Variants in MOB3B observed in about 807,000 individuals in gnomAD.
The protein encoded by MOB3B is MOB kinase activator-like 2B.
A neutral mutation model predicts 18.7 loss-of-function variants in MOB3B; 7 were observed. That is an observed-to-expected ratio of 0.37 (90% CI 0.21 to 0.70). The LOEUF is 0.70. Ranked by LOEUF, MOB3B falls within the 30% of genes least tolerant of loss-of-function variation. The pLI is 0.52. For synonymous variants in MOB3B, 111 were observed against 99.9 expected (o/e 1.11, Z -0.66); for missense variants, 253 against 281.3 (o/e 0.90, Z 0.72).
At position 27,377,410 on chromosome 9, in the gene MOB3B, C is replaced by T. The variant is rs893433878; in HGVS notation, c.419-18174G>A. Among the ~76,000 whole-genome samples, 8 of 152,262 alleles carry T rather than the reference C, an allele frequency of 5.3e-5. No homozygotes were observed. In the South Asian group the frequency reaches 1.5e-3, roughly 28 times the overall value. On this transcript the variant is annotated intron_variant, in intron 2 of 3. Transcript: ENST00000262244. The stretch of plus-strand genomic sequence containing the variant: ...ACACTACGGAAGTGCTGAAAATACA[C>T]GGCTAGAGAGCCGGGCTTGGTCATC...
At chr9:27,517,498 A>T (rs112547072) in intron 1 of MOB3B, among the ~76,000 whole-genome samples, 3 of 151,664 alleles carry the variant, frequency 2.0e-5, no homozygotes, top group Admixed American at 1.3e-4. Flanking sequence ...AAATACAAAA[A>T]TTAGCCGGGC....
intron 1 of MOB3B, among the ~76,000 whole-genome samples, chr9:27,504,933 C>A (rs1160674312): frequency 6.6e-6 from 1 of 152,034 alleles, no homozygotes; most frequent in Non-Finnish European, 1.5e-5. Flanking sequence ...TGACTTGTGG[C>A]CCCACATCAC....
chr9:27,522,626 T>C (rs1461300944), intron 1 of MOB3B, among the ~76,000 whole-genome samples: 4 of 151,858 alleles, frequency 2.6e-5, no homozygotes, highest in African/African-American at 7.2e-5. Context: ...TGCTGAACAT[T>C]AAAATTGTTT....
Position 27,524,590 on chromosome 9 carries a change from AG to A in MOB3B, c.-199+4964del. 3 of 1,614,172 alleles carry A rather than the reference AG, an allele frequency of 1.9e-6. 1 individual carries two copies. The South Asian group carries it at 3.3e-5, about 18-fold the overall frequency. On this transcript the variant is annotated intron_variant, in intron 1 of 3. Transcript: ENST00000262244. ...CAACCTATGAAGAGGGACATCAAGA[AG>A]GCCTTCTATGAAATGTCCCTACAGG...
chr9:27,456,664 C>T (rs769983895), intron 1 of MOB3B, among the ~76,000 whole-genome samples: 1 of 152,100 alleles, frequency 6.6e-6, no homozygotes, highest in Non-Finnish European at 1.5e-5. Flanking sequence ...TCCAATGTGC[C>T]GTCCTTTATA....
At position 27,404,610 on chromosome 9, in the gene MOB3B, G is replaced by T. The variant is rs139893642; in HGVS notation, c.419-45374C>A. Among the ~76,000 whole-genome samples, 977 of 151,874 alleles carry T rather than the reference G, an allele frequency of 6.4e-3. 7 individuals carry two copies. The highest frequency in any genetic ancestry group is 9.6e-3 in the Non-Finnish European group (654 of 67,936). On this transcript the variant is annotated intron_variant, in intron 2 of 3. Coordinates refer to ENST00000262244, the MANE Select transcript of MOB3B (RefSeq NM_024761.5). ...TGACCTCAGGTGATCCACCCGCCTT[G>T]GCCTCCCAAAGTGCTGGATTTACAG...
intron 2 of MOB3B, among the ~76,000 whole-genome samples, chr9:27,402,420 T>G (rs1336243519): frequency 6.6e-6 from 1 of 152,172 alleles, no homozygotes; most frequent in East Asian, 1.9e-4. Context: ...TTGAATGAAT[T>G]AATGTGGATA....
chr9:27,405,278 T>C (rs1300703379), intron 2 of MOB3B, among the ~76,000 whole-genome samples: 2 of 152,026 alleles, frequency 1.3e-5, no homozygotes, highest in East Asian at 3.9e-4. Flanking sequence ...CGGTTAGTTT[T>C]TGTATTTTTA....
intron 2 of MOB3B, among the ~76,000 whole-genome samples, chr9:27,377,021 T>C (rs1821498845): frequency 6.6e-6 from 1 of 152,204 alleles, no homozygotes; most frequent in Non-Finnish European, 1.5e-5. Flanking sequence ...CTTGGGCAAA[T>C]GACTTAGCCT....
At chr9:27,405,466 A>G (rs985897557) in intron 2 of MOB3B, among the ~76,000 whole-genome samples, 6 of 152,010 alleles carry the variant, frequency 3.9e-5, no homozygotes, top group Non-Finnish European at 5.9e-5. Context: ...AGCTCCTTAT[A>G]TATTTTGGTT....
intron 2 of MOB3B, among the ~76,000 whole-genome samples, chr9:27,429,886 C>G (rs1482278242): frequency 2.6e-5 from 4 of 152,140 alleles, no homozygotes; most frequent in Non-Finnish European, 5.9e-5. Context: ...AACTAGGTAT[C>G]AGAGAGGAGG....
intron 2 of MOB3B, among the ~76,000 whole-genome samples, chr9:27,367,225 TATA>T (rs550149079): frequency 5.3e-4 from 81 of 152,348 alleles, no homozygotes; most frequent in African/African-American, 1.6e-3. Context: ...ACTTGGGCTT[TATA>T]GAGCTAGTTT....
At chr9:27,452,157 G>A (rs1822799354) in intron 2 of MOB3B, among the ~76,000 whole-genome samples, 1 of 152,118 alleles carries the variant, frequency 6.6e-6, no homozygotes, top group Non-Finnish European at 1.5e-5. Flanking sequence ...TCCATGTGCT[G>A]GGCCTTTATA....
chr9:27,480,279 G>A (rs1361115635), intron 1 of MOB3B, among the ~76,000 whole-genome samples: 4 of 151,278 alleles, frequency 2.6e-5, no homozygotes, highest in East Asian at 3.9e-4. Context: ...TGGGACTACA[G>A]GCACATGCCA....
chr9:27,494,608 G>C (rs1819870337), intron 1 of MOB3B, among the ~76,000 whole-genome samples: 2 of 152,156 alleles, frequency 1.3e-5, no homozygotes, highest in African/African-American at 4.8e-5. Flanking sequence ...TCCGCCCTCT[G>C]GGTTTAAGTG....
chr9:27,509,616 C>T (rs1441658713), intron 1 of MOB3B, among the ~76,000 whole-genome samples: 1 of 151,720 alleles, frequency 6.6e-6, no homozygotes, highest in Non-Finnish European at 1.5e-5. Flanking sequence ...GAGTTTTCAC[C>T]ATGTTGTCCA....
intron 2 of MOB3B, among the ~76,000 whole-genome samples, chr9:27,433,102 C>A (rs1222504088): frequency 6.6e-6 from 1 of 150,586 alleles, no homozygotes; most frequent in East Asian, 1.9e-4. Flanking sequence ...TGCAGCATGA[C>A]TTTTTTTATT....
chr9:27,525,438 C>T (rs1046403314), intron 1 of MOB3B, among the ~76,000 whole-genome samples: 5 of 151,188 alleles, frequency 3.3e-5, no homozygotes, highest in Non-Finnish European at 5.9e-5. Context: ...CTTGCATTTT[C>T]CCCCTCCTGC....
intron 1 of MOB3B, among the ~76,000 whole-genome samples, chr9:27,473,621 A>G (rs1819507511): frequency 6.6e-6 from 1 of 152,142 alleles, no homozygotes; most frequent in African/African-American, 2.4e-5. Flanking sequence ...ACCTTCTCCA[A>G]CCAAGAGGTC....
Sources: gnomAD v4.1 joint callset for allele counts (sites outside exome capture counted in the v4.1 genomes callset) on GRCh38, gnomAD v4.1.1 for gene constraint, MANE v1.5 for transcripts, NCBI Gene and HGNC (gene_info 2026-07-23, HGNC 2026-07-21) for gene names.